The following ACOT11 variants were observed in gnomAD, a reference collection of about 807,000 sequenced individuals.
ACOT11 encodes acyl-CoA thioesterase 11.
ACOT11 carries 69 observed loss-of-function variants against 77.5 expected under a neutral mutation model. The observed-to-expected ratio is 0.89, with a 90% CI of 0.73 to 1.09. The LOEUF is 1.09. ACOT11 is among the 50% of genes least tolerant of loss of function. The pLI is 0.00. For missense variants in ACOT11, 766 were observed against 813.7 expected (o/e 0.94, Z 0.71); for synonymous variants, 279 against 313.0 (o/e 0.89, Z 1.15).
chr1:54,612,590 G>A (rs772159062), downstream of ACOT11: 4 of 1,614,104 alleles, frequency 2.5e-6, no homozygotes, highest in East Asian at 2.2e-5. Flanking sequence ...CCACCAGCTC[G>A]TGCATCTTCT....
Position 54,584,655 on chromosome 1 carries a change from G to A in ACOT11, c.34G>A (p.Gly12Ser). Reference protein sequence around the residue: ...IQNVGNHLRRGLASVFSNRTS... With the variant: ...IQNVGNHLRRSLASVFSNRTS... ...CCACCTGTCCCCACCTGTACCCCAG[G>A]GCTTGGCCTCTGTGTTCTCCAACCG... is the stretch of plus-strand genomic sequence containing the variant. The change falls in exon 2 of 16, where the codon GGC becomes AGC. Residue 12 changes from glycine to serine, a missense_variant and splice_region_variant. Transcript: ENST00000343744. This position sits in a 1 kb window ranked among gnomAD's most constrained non-coding sequence, Gnocchi z 6.3. 2 of 1,613,836 alleles carry A rather than the reference G, an allele frequency of 1.2e-6. No individual in the cohort carries two copies. The highest frequency in any genetic ancestry group is 1.3e-5 in the African/African-American group (1 of 74,996).
intron 1 of ACOT11, among the ~76,000 whole-genome samples, chr1:54,560,605 T>C (rs1289533209): frequency 6.6e-6 from 1 of 152,230 alleles, no homozygotes; most frequent in African/African-American, 2.4e-5. Context: ...CATAGCTCAC[T>C]GAAGCCTTGA....
chr1:54,557,082 T>C (rs1653281579), intron 1 of ACOT11, among the ~76,000 whole-genome samples: 1 of 151,242 alleles, frequency 6.6e-6, no homozygotes, highest in African/African-American at 2.4e-5. Flanking sequence ...ATTTTTTATT[T>C]AAAAAAATTA....
In ACOT11 at chr1:54,607,393, A is replaced by G; in HGVS notation, c.1502+128A>G. On this transcript the variant is annotated intron_variant, in intron 14 of 15. Transcript: ENST00000343744. This position sits in a 1 kb window ranked among gnomAD's most constrained non-coding sequence, Gnocchi z 4.5. The stretch of plus-strand genomic sequence containing the variant: ...TGCTTCCCATTGGCTGTGGGGCCCC[A>G]GGCACCACTAGACTTTTCTGGGCTG... 1.5e-6 allele frequency: 2 copies of G among 1,378,432 alleles called. No homozygotes were observed. Among genetic ancestry groups the G allele is most frequent in the Non-Finnish European group, 2.0e-6 (2 of 1,006,078 alleles). 85.4% of individuals were successfully genotyped at this position (1,378,432 alleles called of 1,614,324 possible).
rs1461920688 is a variant in ACOT11, at chr1:54,609,070, G to A, written c.1743G>A (p.Leu581=). The part of the protein sequence containing the change: ...TTFKACEQFL[L]DNRNDLAPSL... ...TCAAGGCTTGTGAGCAGTTTCTCTTGGACAACCGGAATGATCTGGCCCCCA... is the reference window on the plus strand; with the variant it reads ...TCAAGGCTTGTGAGCAGTTTCTCTTAGACAACCGGAATGATCTGGCCCCCA... Residue 581 remains leucine, a synonymous_variant, in exon 16 of 16, where the codon TTG becomes TTA. Coordinates refer to ENST00000343744, the MANE Select transcript of ACOT11 (RefSeq NM_147161.4). 6.2e-6 allele frequency: 10 copies of A among 1,613,970 alleles called. No individual in the cohort carries two copies. Among genetic ancestry groups the A allele is most frequent in the African/African-American group, 1.3e-5 (1 of 74,898 alleles).
rs1481699853 is a variant in ACOT11 at position 54,601,412 on chromosome 1, G to A, written c.1028G>A (p.Gly343Asp). 11 of 1,611,398 alleles carry A rather than the reference G, an allele frequency of 6.8e-6. No homozygotes were observed. Among genetic ancestry groups the A allele is most frequent in the Non-Finnish European group, 9.3e-6 (11 of 1,179,774 alleles). ...CTGCCCTGGATTCGGCCCCAGCCCG[G>A]CGTAAGTGGGACCAGCGCCCTGCCC... Reference protein sequence around the residue: ...QLLPWIRPQPGDGERRYREAS... With the variant: ...QLLPWIRPQPDDGERRYREAS... The change falls in exon 9 of 16, where the codon GGC becomes GAC. Residue 343 changes from glycine to aspartate, a missense_variant and splice_region_variant. Gly to Asp is a moderately conservative substitution (Grantham distance 94). Coordinates refer to ENST00000343744, the MANE Select transcript of ACOT11 (RefSeq NM_147161.4).
intron 1 of ACOT11, among the ~76,000 whole-genome samples, chr1:54,570,134 A>G (rs7417074): frequency 5.9e-5 from 9 of 151,912 alleles, no homozygotes; most frequent in African/African-American, 2.2e-4. Context: ...CCAATAATCC[A>G]TTTCCCTCAT....
intron 15 of ACOT11, among the ~76,000 whole-genome samples, chr1:54,615,380 G>T (rs1644161802): frequency 6.6e-6 from 1 of 152,172 alleles, no homozygotes; most frequent in Admixed American, 6.5e-5. Flanking sequence ...TTTTCCTGAG[G>T]ACAATGGGGA....
At chr1:54,579,878 AG>A (rs1180505481) in intron 1 of ACOT11, among the ~76,000 whole-genome samples, 1 of 152,228 alleles carries the variant, frequency 6.6e-6, no homozygotes, top group Admixed American at 6.5e-5. Flanking sequence ...GGTTGCTGTG[AG>A]ACTCTGGAGA....
rs1025441172 is a variant in ACOT11, at chr1:54,573,162, C to T, written c.34-11493C>T. ...CTAGCATGTCTGGTTAAGGAAGAGC[C>T]GGTGGATGTCACAGATGCCTGGGAT... is the stretch of plus-strand genomic sequence containing the variant. On this transcript the variant is annotated intron_variant, in intron 1 of 15. Transcript: ENST00000343744. The T allele has an allele frequency of 1.6e-5, 16 of 985,264 alleles. No homozygotes were observed. In the Admixed American group the frequency reaches 3.7e-4, roughly 23 times the overall value. 61.0% of individuals were successfully genotyped at this position (985,264 alleles called of 1,614,324 possible). A position where few individuals can be genotyped will look rare whatever the true frequency, so the allele number is the denominator to read the frequency against.
intron 15 of ACOT11, among the ~76,000 whole-genome samples, chr1:54,626,109 A>G (rs1360406141): frequency 6.6e-6 from 1 of 151,328 alleles, no homozygotes; most frequent in Non-Finnish European, 1.5e-5. Context: ...AAAATACAAA[A>G]ATTAGCTGGG....
In ACOT11 at chr1:54,587,132, G is replaced by A. The variant is rs531068817; in HGVS notation, c.311+1228G>A. 7.2e-5 allele frequency among the ~76,000 whole-genome samples: 11 copies of A among 152,326 alleles called. No homozygotes were observed. The South Asian group carries it at 1.7e-3, about 23-fold the overall frequency. On this transcript the variant is annotated intron_variant, in intron 3 of 15. Coordinates refer to ENST00000343744, the MANE Select transcript of ACOT11 (RefSeq NM_147161.4). ...TGAGACTGGGCATGCAAAGTCCACT[G>A]GAGCACAGCCTCTTCCGCGGACCTC...
chr1:54,614,854 T>G, downstream of ACOT11: 1 of 1,613,570 alleles, frequency 6.2e-7, no homozygotes, highest in Non-Finnish European at 8.5e-7. Context: ...AAGTCCAGTT[T>G]GATGCCTGTG....
intron 1 of ACOT11, among the ~76,000 whole-genome samples, chr1:54,569,758 A>C (rs1403032844): frequency 6.6e-6 from 1 of 152,214 alleles, no homozygotes; most frequent in African/African-American, 2.4e-5. Context: ...CCCAGCATGC[A>C]TACAACTTAA....
At chr1:54,594,758 T>C in intron 6 of ACOT11, 67 bp downstream of exon 6, 32 of 1,546,778 alleles carry the variant, frequency 2.1e-5, no homozygotes, top group Non-Finnish European at 2.8e-5. Context: ...TGCCCCGGGC[T>C]CCCACTGGGC....
chr1:54,599,560 G>T, intron 8 of ACOT11, 145 bp downstream of exon 8: 1 of 982,512 alleles, frequency 1.0e-6, no homozygotes. Flanking sequence ...GGGTTCCTCT[G>T]AAATTCAGCT....
chr1:54,623,249 C>T, intron 15 of ACOT11: 1 of 1,515,084 alleles, frequency 6.6e-7, no homozygotes. Context: ...AGGGAAGCCA[C>T]TCAGGATGAC....
At chr1:54,608,408 A>G (rs1644059529) in intron 15 of ACOT11, among the ~76,000 whole-genome samples, 1 of 152,122 alleles carries the variant, frequency 6.6e-6, no homozygotes, top group Non-Finnish European at 1.5e-5. Flanking sequence ...AAAACCCAGC[A>G]GCGCAGTCCG....
Position 54,602,681 on chromosome 1 carries a change from C to G in ACOT11, c.1042C>G (p.Arg348Gly). 1 of 1,550,682 alleles carries G rather than the reference C, an allele frequency of 6.4e-7. No individual in the cohort carries two copies. Among genetic ancestry groups the G allele is most frequent in the Non-Finnish European group, 8.7e-7 (1 of 1,149,210 alleles). The stretch of plus-strand genomic sequence containing the variant: ...ACTTCCTCCCCAGGATGGTGAGCGG[C>G]GGTACCGAGAGGCCAGTGCCAGAAA... ...IRPQPGDGERRYREASARKKI... is the reference protein window; with the variant it reads ...IRPQPGDGERGYREASARKKI... The change falls in exon 10 of 16, where the codon CGG becomes GGG. Residue 348 changes from arginine to glycine, a missense_variant. Transcript: ENST00000343744.
Sources: gnomAD v4.1 joint callset for allele counts (sites outside exome capture counted in the v4.1 genomes callset) on GRCh38, gnomAD v4.1.1 for gene constraint, Gnocchi (gnomAD v3.1) non-coding constraint, MANE v1.5 for transcripts, NCBI Gene and HGNC (gene_info 2026-07-23, HGNC 2026-07-21) for gene names.